POLN: variants seen among roughly 807,000 people sequenced by gnomAD.
POLN encodes the protein DNA polymerase nu.
Under a neutral mutation model 113.5 loss-of-function variants are expected in POLN, and 108 were observed. The observed-to-expected ratio is 0.95, with a 90% CI of 0.81 to 1.12. The LOEUF is 1.12. POLN is among the 50% of genes most tolerant of loss of function. POLN has a pLI of 0.00. For missense variants in POLN, 1,097 were observed against 1,077.1 expected (o/e 1.02, Z -0.26); for synonymous variants, 386 against 391.5 (o/e 0.99, Z 0.17).
chr4:2,090,035 GA>G, intron 20 of POLN: 1 of 883,068 alleles, frequency 1.1e-6, no homozygotes, highest in East Asian at 2.6e-5. Flanking sequence ...CAGTGACTTG[GA>G]ACTGAAGAAT....
intron 16 of POLN, among the ~76,000 whole-genome samples, chr4:2,133,729 A>G (rs549992849): frequency 6.6e-6 from 1 of 152,096 alleles, no homozygotes; most frequent in Non-Finnish European, 1.5e-5. Flanking sequence ...TCAGGTCAGC[A>G]TCTCTTTTCT....
chr4:2,092,653 T>C (rs1239635309), intron 20 of POLN, among the ~76,000 whole-genome samples: 4 of 152,216 alleles, frequency 2.6e-5, no homozygotes, highest in Non-Finnish European at 4.4e-5. Context: ...GTCTTCACAA[T>C]AGTCATGTCA....
At chr4:2,223,668 C>T (rs1413319568) in intron 3 of POLN, among the ~76,000 whole-genome samples, 1 of 152,178 alleles carries the variant, frequency 6.6e-6, no homozygotes, top group East Asian at 1.9e-4. Flanking sequence ...ACCTGTACAG[C>T]ATGTACTAGG....
chr4:2,146,058 ATC>A (rs1052592036), intron 16 of POLN, among the ~76,000 whole-genome samples: 26 of 152,164 alleles, frequency 1.7e-4, no homozygotes, highest in Admixed American at 8.5e-4. Flanking sequence ...AAAAAAGACA[ATC>A]TATCATTTAA....
intron 4 of POLN, among the ~76,000 whole-genome samples, chr4:2,210,608 AT>A: frequency 7.5e-6 from 1 of 133,676 alleles, no homozygotes; most frequent in East Asian, 2.3e-4. Context: ...AATAATAATA[AT>A]AATAATAATA....
intron 5 of POLN, among the ~76,000 whole-genome samples, chr4:2,202,383 A>G (rs1733738909): frequency 6.6e-6 from 1 of 152,178 alleles, no homozygotes; most frequent in Non-Finnish European, 1.5e-5. Flanking sequence ...AAAGCAAGCA[A>G]GAGTAGCTAT....
intron 7 of POLN, among the ~76,000 whole-genome samples, chr4:2,188,653 T>A (rs867966615): frequency 1.3e-5 from 2 of 150,942 alleles, no homozygotes; most frequent in Non-Finnish European, 3.0e-5. Context: ...ACCACGAACA[T>A]ACAAAAAGAA....
chr4:2,172,166 G>C (rs560288673), intron 11 of POLN, among the ~76,000 whole-genome samples: 1 of 152,338 alleles, frequency 6.6e-6, no homozygotes, highest in South Asian at 2.1e-4. Flanking sequence ...CTGGTCCAGA[G>C]CTCTAAAGTA....
intron 24 of POLN, among the ~76,000 whole-genome samples, chr4:2,074,324 C>T (rs963676136): frequency 6.6e-6 from 1 of 152,194 alleles, no homozygotes; most frequent in African/African-American, 2.4e-5. Flanking sequence ...CCCCGCCCGA[C>T]CCCTGGTTCC....
intron 5 of POLN, among the ~76,000 whole-genome samples, chr4:2,202,335 TA>T (rs1733737921): frequency 6.6e-6 from 1 of 152,010 alleles, no homozygotes; most frequent in South Asian, 2.1e-4. Flanking sequence ...ACACTTAAGG[TA>T]AGAGTGGAAA....
At chr4:2,099,160 A>G (rs890686861) in intron 19 of POLN, among the ~76,000 whole-genome samples, 3 of 152,388 alleles carry the variant, frequency 2.0e-5, no homozygotes, top group Middle Eastern at 3.4e-3. Context: ...AAATCCAAAT[A>G]ATGTATATAG....
At chr4:2,140,354 G>T (rs1202194558) in intron 16 of POLN, among the ~76,000 whole-genome samples, 1 of 152,220 alleles carries the variant, frequency 6.6e-6, no homozygotes, top group Non-Finnish European at 1.5e-5. Context: ...TGGGATTACA[G>T]GTGTGAGCCA....
intron 16 of POLN, among the ~76,000 whole-genome samples, chr4:2,134,773 A>T (rs1233749244): frequency 1.3e-5 from 2 of 152,214 alleles, no homozygotes; most frequent in Non-Finnish European, 2.9e-5. Context: ...CCAAGTACTG[A>T]TCACAACGTT....
rs528849787 is a variant in POLN, at chr4:2,211,672, G to A, written c.213+1375C>T. Among the ~76,000 whole-genome samples the A allele has an allele frequency of 3.3e-5, 5 of 152,188 alleles. No individual in the cohort carries two copies. The East Asian group carries it at 9.7e-4, about 30-fold the overall frequency. On this transcript the variant is annotated intron_variant, in intron 4 of 25. Transcript: ENST00000511885. ...TGTGCCTGTAGTCTCAGCTACTTGG[G>A]AGGCTGAGTTGGGAGGATCACTTGA...
At chr4:2,162,768 T>A (rs1423130759) in intron 13 of POLN, among the ~76,000 whole-genome samples, 2 of 152,172 alleles carry the variant, frequency 1.3e-5, no homozygotes, top group Admixed American at 6.5e-5. Flanking sequence ...GATTTTATTT[T>A]TTTTTTACCT....
At chr4:2,129,898 A>G (rs989981852) in intron 17 of POLN, among the ~76,000 whole-genome samples, 11 of 152,070 alleles carry the variant, frequency 7.2e-5, no homozygotes, top group Admixed American at 5.9e-4. Flanking sequence ...CAGGGGATGA[A>G]GCTGCTCAGG....
At chr4:2,163,045 A>AAC (rs1732639418) in intron 13 of POLN, among the ~76,000 whole-genome samples, 3 of 151,236 alleles carry the variant, frequency 2.0e-5, no homozygotes, top group African/African-American at 4.9e-5. Context: ...AAAAAAAAAA[A>AAC]AAAAAACTCC....
At chr4:2,198,502 C>T (rs2108759404) in intron 6 of POLN, 22 bp downstream of exon 6, 1 of 1,592,030 alleles carries the variant, frequency 6.3e-7, no homozygotes, top group Non-Finnish European at 8.6e-7. Flanking sequence ...AGGGTGTGAG[C>T]CCATGTGTGA....
chr4:2,210,433 T>C (rs1733961000), intron 4 of POLN, among the ~76,000 whole-genome samples: 1 of 150,142 alleles, frequency 6.7e-6, no homozygotes, highest in Admixed American at 6.6e-5. Flanking sequence ...ATACAAAAAT[T>C]AGCTGGGCAT....
Sources: allele counts gnomAD v4.1 joint callset (sites outside exome capture counted in the v4.1 genomes callset), GRCh38; gene constraint gnomAD v4.1.1; transcripts MANE v1.5; gene names NCBI Gene and HGNC (gene_info 2026-07-23, HGNC 2026-07-21).